The following TMEM135 variants were observed in gnomAD, a reference collection of about 807,000 sequenced individuals.
The protein encoded by TMEM135 is peroxisomal membrane protein 52.
Under a neutral mutation model 60.3 loss-of-function variants are expected in TMEM135, and 30 were observed. The ratio of observed to expected loss-of-function variants is 0.50; its 90% CI spans 0.37 to 0.68. The LOEUF is 0.68. Among genes scored for constraint, TMEM135 ranks in the 30% least tolerant of loss-of-function variants. The probability of loss-of-function intolerance (pLI) is 0.00; values close to 1 mark genes in which losing one functional copy is unlikely to be tolerated. For missense variants in TMEM135, 468 were observed against 548.8 expected (o/e 0.85, Z 1.47); for synonymous variants, 190 against 186.7 (o/e 1.02, Z -0.14).
chr11:87,289,494 G>C (rs1018939981), intron 6 of TMEM135, among the ~76,000 whole-genome samples: 2 of 134,044 alleles, frequency 1.5e-5, no homozygotes, highest in African/African-American at 2.8e-5. Flanking sequence ...TGTCACCCAG[G>C]CTGGAGTGCA....
At chr11:87,280,647 T>C (rs529514805) in intron 6 of TMEM135, among the ~76,000 whole-genome samples, 75 of 152,342 alleles carry the variant, frequency 4.9e-4, no homozygotes, top group Non-Finnish European at 8.7e-4. Context: ...GTGTACTTTA[T>C]ATTAAAGTAC....
At chr11:87,211,790 A>G (rs1184341911) in intron 5 of TMEM135, among the ~76,000 whole-genome samples, 8 of 152,028 alleles carry the variant, frequency 5.3e-5, no homozygotes, top group Admixed American at 5.2e-4. Context: ...TAAAAATACA[A>G]AAAATTAGCT....
rs1260234659 is a variant in TMEM135 at position 87,324,778 on chromosome 11, T to G, written c.*3445T>G. 2 of 453,818 alleles carry G rather than the reference T, an allele frequency of 4.4e-6. No homozygotes were observed. The highest frequency in any genetic ancestry group is 4.4e-6 in the Non-Finnish European group (1 of 226,764). The allele number at this position is 453,818 out of a possible 1,614,324, so 28.1% of individuals were successfully genotyped here. A position where few individuals can be genotyped will look rare whatever the true frequency, so the allele number is the denominator to read the frequency against. On this transcript the variant is annotated 3_prime_UTR_variant, in exon 15 of 15. Transcript: ENST00000305494. The stretch of plus-strand genomic sequence containing the variant: ...TAAGTAGTTTGACACAGCAACAAAG[T>G]TGTCCTTTGTTTCCCAAAGGCAAAA...
At chr11:87,282,525 C>CA (rs1591166469) in intron 6 of TMEM135, among the ~76,000 whole-genome samples, 1 of 152,328 alleles carries the variant, frequency 6.6e-6, no homozygotes, top group South Asian at 2.1e-4. Context: ...CTCGACCTCC[C>CA]AAAGTGCTGG....
chr11:87,129,104 C>T (rs1047530632), intron 4 of TMEM135, among the ~76,000 whole-genome samples: 1 of 149,184 alleles, frequency 6.7e-6, no homozygotes, highest in African/African-American at 2.5e-5. Flanking sequence ...TTTAAAACCT[C>T]TACTTTGCTC....
chr11:87,308,859 T>C (rs887340348), intron 9 of TMEM135, among the ~76,000 whole-genome samples: 9 of 152,136 alleles, frequency 5.9e-5, no homozygotes, highest in African/African-American at 2.2e-4. Flanking sequence ...TGACAGCAAA[T>C]ATGGATTTGT....
intron 6 of TMEM135, among the ~76,000 whole-genome samples, chr11:87,238,858 T>G (rs989699614): frequency 6.6e-6 from 1 of 152,064 alleles, no homozygotes; most frequent in South Asian, 2.1e-4. Flanking sequence ...CAATCTCAAG[T>G]AAATTTTCTT....
intron 5 of TMEM135, among the ~76,000 whole-genome samples, chr11:87,233,494 T>G (rs989299809): frequency 1.3e-5 from 2 of 152,080 alleles, no homozygotes; most frequent in Non-Finnish European, 2.9e-5. Context: ...AAGCAGCTTT[T>G]TGGGTGAATA....
In TMEM135 at chr11:87,327,734, A is replaced by G. The variant is rs1467086052; in HGVS notation, c.*6401A>G. ...AACTGATGGTGTAATTCTCAGTCCA[A>G]GGCTGAATTTTCAAGTCTGAGAACC... On this transcript the variant is annotated 3_prime_UTR_variant, in exon 15 of 15. Transcript: ENST00000305494. The G allele has an allele frequency of 2.2e-6, 1 of 454,056 alleles. No individual in the cohort carries two copies. The highest frequency in any genetic ancestry group is 2.0e-5 in the African/African-American group (1 of 50,120). The allele number at this position is 454,056 out of a possible 1,614,324, so 28.1% of individuals were successfully genotyped here.
intron 5 of TMEM135, among the ~76,000 whole-genome samples, chr11:87,165,404 T>G (rs927170286): frequency 7.5e-6 from 1 of 133,146 alleles, no homozygotes; most frequent in African/African-American, 2.9e-5. Flanking sequence ...TTGATCATGG[T>G]GGATAAGCTT....
chr11:87,060,099 C>T (rs1449263675), intron 1 of TMEM135, among the ~76,000 whole-genome samples: 1 of 151,850 alleles, frequency 6.6e-6, no homozygotes, highest in Non-Finnish European at 1.5e-5. Context: ...GGCAACAGAG[C>T]ATGACTCTGA....
chr11:87,192,781 G>C (rs1197227572), intron 5 of TMEM135, among the ~76,000 whole-genome samples: 1 of 152,138 alleles, frequency 6.6e-6, no homozygotes, highest in Non-Finnish European at 1.5e-5. Flanking sequence ...ATAAGAATGT[G>C]ATTGTATGTG....
chr11:87,108,651 G>A (rs1012826741), intron 4 of TMEM135, among the ~76,000 whole-genome samples: 1 of 151,840 alleles, frequency 6.6e-6, no homozygotes, highest in Non-Finnish European at 1.5e-5. Flanking sequence ...TGAAATCTTC[G>A]TTTCTTTTTT....
intron 4 of TMEM135, among the ~76,000 whole-genome samples, chr11:87,112,980 CT>C (rs1298606223): frequency 1.3e-5 from 2 of 151,980 alleles, no homozygotes; most frequent in Non-Finnish European, 2.9e-5. Context: ...ATTTTTTGCA[CT>C]TTGGCGTGCA....
chr11:87,087,769 T>C (rs1857127552), intron 3 of TMEM135, among the ~76,000 whole-genome samples: 1 of 152,126 alleles, frequency 6.6e-6, no homozygotes, highest in South Asian at 2.1e-4. Flanking sequence ...GGAGTTTTGC[T>C]CTTGTTACCC....
intron 4 of TMEM135, among the ~76,000 whole-genome samples, chr11:87,145,001 G>C (rs1938373962): frequency 1.3e-5 from 2 of 152,112 alleles, no homozygotes; most frequent in South Asian, 4.1e-4. Context: ...GAAATGTGCT[G>C]TACTCTATTA....
At chr11:87,101,782 C>G (rs953925930) in intron 4 of TMEM135, among the ~76,000 whole-genome samples, 1 of 152,144 alleles carries the variant, frequency 6.6e-6, no homozygotes, top group African/African-American at 2.4e-5. Context: ...CGAGACCAGC[C>G]TGACCAACAT....
intron 5 of TMEM135, among the ~76,000 whole-genome samples, chr11:87,175,995 A>G (rs993229898): frequency 6.6e-6 from 1 of 152,168 alleles, no homozygotes; most frequent in African/African-American, 2.4e-5. Flanking sequence ...GTATGGCCAA[A>G]TGTAATTTTT....
chr11:87,064,140 C>T (rs946474092), intron 1 of TMEM135, among the ~76,000 whole-genome samples: 3 of 152,154 alleles, frequency 2.0e-5, no homozygotes, highest in South Asian at 2.1e-4. Flanking sequence ...TACATTCCCA[C>T]CAGCACTTTA....
Sources: allele counts gnomAD v4.1 joint callset (sites outside exome capture counted in the v4.1 genomes callset), GRCh38; gene constraint gnomAD v4.1.1; transcripts MANE v1.5; gene names NCBI Gene and HGNC (gene_info 2026-07-23, HGNC 2026-07-21).